FBXL17: variants seen among roughly 807,000 people sequenced by gnomAD.
The protein encoded by FBXL17 is F-box/LRR-repeat protein 17.
A neutral mutation model predicts 66.2 loss-of-function variants in FBXL17; 22 were observed. The observed-to-expected ratio is 0.33, with a 90% CI of 0.24 to 0.47. The LOEUF is 0.47. Among genes scored for constraint, FBXL17 ranks in the 20% least tolerant of loss-of-function variants. FBXL17 has a pLI of 1.00. For missense variants in FBXL17, 878 were observed against 948.2 expected (o/e 0.93, Z 0.97); for synonymous variants, 474 against 400.5 (o/e 1.18, Z -2.19).
chr5:108,012,689 T>A (rs1433939260), intron 7 of FBXL17, among the ~76,000 whole-genome samples: 1 of 152,158 alleles, frequency 6.6e-6, no homozygotes, highest in Admixed American at 6.5e-5. Flanking sequence ...GCTATCCAGG[T>A]CTCAGTTTCC....
chr5:108,172,729 T>C (rs1238206199), intron 6 of FBXL17, among the ~76,000 whole-genome samples: 1 of 152,200 alleles, frequency 6.6e-6, no homozygotes, highest in Non-Finnish European at 1.5e-5. Flanking sequence ...CCTTCAACAC[T>C]TTTCTATTTT....
intron 5 of FBXL17, among the ~76,000 whole-genome samples, chr5:108,207,649 T>G (rs1234945785): frequency 6.6e-6 from 1 of 152,172 alleles, no homozygotes; most frequent in Non-Finnish European, 1.5e-5. Flanking sequence ...GCAAAGGACA[T>G]GAACTCATCT....
At chr5:108,311,586 C>T (rs924795269) in intron 4 of FBXL17, among the ~76,000 whole-genome samples, 1 of 152,032 alleles carries the variant, frequency 6.6e-6, no homozygotes, top group Non-Finnish European at 1.5e-5. Flanking sequence ...CTCTGAAATC[C>T]CAAAGATCCA....
At chr5:108,336,198 A>T (rs1237130921) in intron 4 of FBXL17, among the ~76,000 whole-genome samples, 1 of 152,174 alleles carries the variant, frequency 6.6e-6, no homozygotes, top group African/African-American at 2.4e-5. Context: ...AGTATTTTTT[A>T]AAAAACACTT....
At chr5:108,246,069 C>G (rs1329689134) in intron 4 of FBXL17, among the ~76,000 whole-genome samples, 1 of 152,148 alleles carries the variant, frequency 6.6e-6, no homozygotes, top group Non-Finnish European at 1.5e-5. Flanking sequence ...GGCCCTTTTC[C>G]TCTAACTACA....
At chr5:108,209,921 C>G (rs1196926718) in intron 5 of FBXL17, among the ~76,000 whole-genome samples, 1 of 152,148 alleles carries the variant, frequency 6.6e-6, no homozygotes, top group South Asian at 2.1e-4. Flanking sequence ...TAGAATGCTG[C>G]TGTGAATCCG....
chr5:108,335,634 G>T (rs1482968642), intron 4 of FBXL17, among the ~76,000 whole-genome samples: 1 of 151,920 alleles, frequency 6.6e-6, no homozygotes, highest in African/African-American at 2.4e-5. Flanking sequence ...GTGACACTAG[G>T]CAAATGCACA....
chr5:108,381,676 A>C lies in FBXL17; in HGVS notation c.16T>G (p.Ser6Ala). The C allele has an allele frequency of 2.7e-6, 4 of 1,474,702 alleles. No individual in the cohort carries two copies. Among genetic ancestry groups the C allele is most frequent in the Non-Finnish European group, 2.7e-6 (3 of 1,117,468 alleles). 91.4% of individuals were successfully genotyped at this position (1,474,702 alleles called of 1,614,324 possible). A position where few individuals can be genotyped will look rare whatever the true frequency, so the allele number is the denominator to read the frequency against. The change falls in exon 1 of 9, where the codon TCG becomes GCG. Residue 6 changes from serine to alanine, a missense_variant. Physicochemically the swap from Ser to Ala is moderately conservative, Grantham distance 99 (BLOSUM62 1). Transcript: ENST00000542267. MGHLL[S>A]KEPRNRPSQK... ...CTCGGGCGGTTACGCGGCTCCTTCG[A>C]GAGAAGGTGGCCCATATAGAAGGCC...
intron 8 of FBXL17, 122 bp downstream of exon 8, chr5:107,880,915 A>T: frequency 3.5e-6 from 5 of 1,441,394 alleles, no homozygotes; most frequent in Non-Finnish European, 4.6e-6. Flanking sequence ...ATATATACAT[A>T]TAAAATGTAT....
intron 5 of FBXL17, among the ~76,000 whole-genome samples, chr5:108,212,223 G>A (rs553539811): frequency 9.9e-5 from 15 of 152,010 alleles, no homozygotes; most frequent in African/African-American, 3.4e-4. Context: ...TCCAGTTAGC[G>A]ATTCGTCTAA....
intron 7 of FBXL17, among the ~76,000 whole-genome samples, chr5:107,920,982 G>C (rs1434632456): frequency 3.3e-5 from 5 of 151,952 alleles, no homozygotes; most frequent in South Asian, 4.2e-4. Flanking sequence ...CTTGTTTATG[G>C]CTTGTTGAAA....
At chr5:108,073,902 T>C (rs1351170435) in intron 6 of FBXL17, among the ~76,000 whole-genome samples, 1 of 152,188 alleles carries the variant, frequency 6.6e-6, no homozygotes, top group Non-Finnish European at 1.5e-5. Context: ...TTCTACTGCC[T>C]GCAGAACTGT....
intron 2 of FBXL17, among the ~76,000 whole-genome samples, chr5:108,366,191 C>T (rs1748651476): frequency 6.6e-6 from 1 of 152,050 alleles, no homozygotes; most frequent in Admixed American, 6.6e-5. Flanking sequence ...ACGTCCACAT[C>T]AAAAAGTTTT....
chr5:107,971,191 T>A (rs543983358), intron 7 of FBXL17, among the ~76,000 whole-genome samples: 1 of 152,298 alleles, frequency 6.6e-6, no homozygotes, highest in East Asian at 1.9e-4. Flanking sequence ...CAGGCAGAAC[T>A]GGGCTGGGGA....
chr5:108,089,201 C>T (rs148301515), intron 6 of FBXL17, among the ~76,000 whole-genome samples: 2 of 152,198 alleles, frequency 1.3e-5, no homozygotes, highest in African/African-American at 4.8e-5. Flanking sequence ...ACTGCAATGG[C>T]CTTCTAACTG....
At position 108,246,866 on chromosome 5, in the gene FBXL17, C is replaced by T. The variant is rs140620294; in HGVS notation, c.1507-22638G>A. ...AATCATCAAGAAAAGCATATATTTG[C>T]TCAATGATGTATTTGGATTAGTTTT... On this transcript the variant is annotated intron_variant, in intron 4 of 8. Coordinates refer to ENST00000542267, the MANE Select transcript of FBXL17 (RefSeq NM_001163315.3). 2.0e-5 allele frequency among the ~76,000 whole-genome samples: 3 copies of T among 152,206 alleles called. No homozygotes were observed. The East Asian group carries it at 5.8e-4, about 29-fold the overall frequency.
intron 5 of FBXL17, among the ~76,000 whole-genome samples, chr5:108,210,903 C>T (rs1394920487): frequency 6.6e-6 from 1 of 152,164 alleles, no homozygotes; most frequent in Admixed American, 6.5e-5. Flanking sequence ...CTAATATTGA[C>T]AGTGGGGTGT....
rs1749001197 is a variant in FBXL17 at position 108,370,992 on chromosome 5, G to C, written c.994-3039C>G. ...GGGTTTTTTTTTCTTTAATCCCCTA[G>C]TATGGAATTCAGGGTGGTCCCTGTA... On this transcript the variant is annotated intron_variant, in intron 1 of 8. Coordinates refer to ENST00000542267, the MANE Select transcript of FBXL17 (RefSeq NM_001163315.3). Among the ~76,000 whole-genome samples the C allele has an allele frequency of 2.0e-5, 3 of 151,908 alleles. No homozygotes were observed. The South Asian group carries it at 6.2e-4, about 32-fold the overall frequency.
At chr5:108,162,236 T>A (rs373939524) in intron 6 of FBXL17, among the ~76,000 whole-genome samples, 6 of 152,288 alleles carry the variant, frequency 3.9e-5, no homozygotes, top group African/African-American at 1.4e-4. Context: ...CAGTGGCTCA[T>A]GCCTGTAATC....
Sources: gnomAD v4.1 joint callset for allele counts (sites outside exome capture counted in the v4.1 genomes callset) on GRCh38, gnomAD v4.1.1 for gene constraint, MANE v1.5 for transcripts, NCBI Gene and HGNC (gene_info 2026-07-23, HGNC 2026-07-21) for gene names.